SPAG16: variants seen among roughly 807,000 people sequenced by gnomAD.
The protein encoded by SPAG16 is sperm associated antigen 16, also known as sperm-associated antigen 16 protein.
SPAG16 carries 86 observed loss-of-function variants against 80.4 expected under a neutral mutation model. The ratio of observed to expected loss-of-function variants is 1.07; its 90% CI spans 0.90 to 1.28. The LOEUF is 1.28. Among genes scored for constraint, SPAG16 ranks in the 50% most tolerant of loss-of-function variants. The pLI is 0.00. For synonymous variants in SPAG16, 294 were observed against 265.9 expected (o/e 1.11, Z -1.03); for missense variants, 870 against 765.3 (o/e 1.14, Z -1.61).
chr2:213,792,888 T>A (rs969846628), intron 10 of SPAG16, among the ~76,000 whole-genome samples: 4 of 151,898 alleles, frequency 2.6e-5, no homozygotes, highest in Admixed American at 6.6e-5. Flanking sequence ...ATCCCACGTC[T>A]CCAACACTCT....
At chr2:213,379,457 G>C (rs1317640588) in intron 9 of SPAG16, among the ~76,000 whole-genome samples, 3 of 152,196 alleles carry the variant, frequency 2.0e-5, no homozygotes, top group African/African-American at 7.2e-5. Flanking sequence ...CCAGGAGCAT[G>C]AGCCCCATGC....
At chr2:213,512,993 T>C (rs189246685) in intron 10 of SPAG16, among the ~76,000 whole-genome samples, 1 of 152,268 alleles carries the variant, frequency 6.6e-6, no homozygotes, top group African/African-American at 2.4e-5. Context: ...CTCAGAGTGC[T>C]TCTGGAACCT....
chr2:213,362,487 G>A (rs73990321), intron 7 of SPAG16, among the ~76,000 whole-genome samples: 2,144 of 152,184 alleles, frequency 0.014, 45 homozygotes, highest in African/African-American at 0.048. Context: ...CTTTACAGTG[G>A]GGAAACCTGT....
chr2:213,671,913 A>G (rs886142796), intron 10 of SPAG16, among the ~76,000 whole-genome samples: 5 of 152,238 alleles, frequency 3.3e-5, no homozygotes, highest in Admixed American at 6.5e-5. Flanking sequence ...ATTCAAGACT[A>G]GAGTCCATTG....
chr2:214,293,614 G>T (rs1272026183), intron 15 of SPAG16, among the ~76,000 whole-genome samples: 1 of 152,226 alleles, frequency 6.6e-6, no homozygotes, highest in Non-Finnish European at 1.5e-5. Context: ...CAGTGGCTGT[G>T]TTATGAGTCT....
At chr2:213,658,691 G>C (rs187643529) in intron 10 of SPAG16, among the ~76,000 whole-genome samples, 37 of 152,270 alleles carry the variant, frequency 2.4e-4, no homozygotes, top group African/African-American at 8.9e-4. Context: ...TAACTGCCAG[G>C]AACTATGTCT....
intron 5 of SPAG16, among the ~76,000 whole-genome samples, chr2:213,339,680 T>G (rs1260784612): frequency 6.6e-6 from 1 of 152,208 alleles, no homozygotes; most frequent in Non-Finnish European, 1.5e-5. Context: ...GAAATCTTGG[T>G]TTTCTAGAAT....
intron 11 of SPAG16, among the ~76,000 whole-genome samples, chr2:213,903,284 TG>T (rs1301351179): frequency 6.6e-6 from 1 of 152,168 alleles, no homozygotes; most frequent in Non-Finnish European, 1.5e-5. Flanking sequence ...AGGTTTTCCA[TG>T]GGCATCCCAC....
intron 13 of SPAG16, among the ~76,000 whole-genome samples, chr2:214,035,759 C>T (rs73987138): frequency 0.019 from 2,851 of 152,270 alleles, 91 homozygotes; most frequent in African/African-American, 0.065. Flanking sequence ...CTGCTTCCAG[C>T]CTCCAAAAGC....
chr2:213,516,406 A>C (rs114455892), intron 10 of SPAG16, among the ~76,000 whole-genome samples: 65,111 of 151,714 alleles, frequency 0.43, 14,739 homozygotes, highest in African/African-American at 0.56. Context: ...TCTTTTTCTT[A>C]AAAAAATGAA....
At chr2:213,596,116 A>G (rs986047497) in intron 10 of SPAG16, among the ~76,000 whole-genome samples, 14 of 152,122 alleles carry the variant, frequency 9.2e-5, no homozygotes, top group African/African-American at 3.4e-4. Context: ...AACTGATAGC[A>G]TATCACATAC....
intron 10 of SPAG16, among the ~76,000 whole-genome samples, chr2:213,731,604 T>C (rs1218219343): frequency 6.6e-6 from 1 of 152,162 alleles, no homozygotes. Context: ...CCATCTTCCA[T>C]TGGCTCTTCT....
chr2:214,314,585 A>G (rs1695551637), intron 15 of SPAG16, among the ~76,000 whole-genome samples: 1 of 152,200 alleles, frequency 6.6e-6, no homozygotes, highest in South Asian at 2.1e-4. Flanking sequence ...CTTCTCAAAT[A>G]CCTTGTTGAA....
At chr2:213,953,653 G>T (rs548455421) in intron 12 of SPAG16, among the ~76,000 whole-genome samples, 12 of 151,816 alleles carry the variant, frequency 7.9e-5, no homozygotes, top group Non-Finnish European at 1.6e-4. Flanking sequence ...ATTCTGAAAT[G>T]AATTTTTTCA....
At chr2:214,050,486 C>T (rs1265068857) in intron 13 of SPAG16, among the ~76,000 whole-genome samples, 2 of 151,872 alleles carry the variant, frequency 1.3e-5, no homozygotes, top group South Asian at 2.1e-4. Context: ...AGCTTCAAGT[C>T]GCTATATTCT....
At chr2:214,008,739 C>A (rs1424511472) in intron 12 of SPAG16, among the ~76,000 whole-genome samples, 4 of 138,310 alleles carry the variant, frequency 2.9e-5, no homozygotes, top group Non-Finnish European at 6.0e-5. Flanking sequence ...AGCAAGACTC[C>A]ATCTCAAAAA....
chr2:214,404,400 C>T (rs927564440), intron 15 of SPAG16, among the ~76,000 whole-genome samples: 10 of 152,074 alleles, frequency 6.6e-5, no homozygotes, highest in South Asian at 4.1e-4. Context: ...AACCTGAGAA[C>T]GTCAGAGATG....
chr2:213,886,731 AC>A (rs2076570074), intron 11 of SPAG16, among the ~76,000 whole-genome samples: 2 of 151,882 alleles, frequency 1.3e-5, no homozygotes, highest in Non-Finnish European at 2.9e-5. Flanking sequence ...TGACTTATAA[AC>A]CGTTTATGAA....
chr2:214,245,660 A>T (rs1301939874), intron 15 of SPAG16, among the ~76,000 whole-genome samples: 1 of 152,176 alleles, frequency 6.6e-6, no homozygotes, highest in Non-Finnish European at 1.5e-5. Context: ...CTAAACATAC[A>T]TTCTAGTGTG....
Sources: allele counts gnomAD v4.1 joint callset (sites outside exome capture counted in the v4.1 genomes callset), GRCh38; gene constraint gnomAD v4.1.1; transcripts MANE v1.5; gene names NCBI Gene and HGNC (gene_info 2026-07-23, HGNC 2026-07-21).